POLI: variants seen among roughly 807,000 people sequenced by gnomAD.
POLI encodes RAD30 homolog B.
In POLI, 58 loss-of-function variants were observed where a neutral mutation model predicts 51.6. The observed-to-expected ratio is 1.12, with a 90% CI of 0.91 to 1.40. The LOEUF (loss-of-function observed/expected upper bound fraction) is 1.40. Among genes scored for constraint, POLI ranks in the 40% most tolerant of loss-of-function variants. The probability of loss-of-function intolerance (pLI) is 0.00; values close to 1 mark genes in which losing one functional copy is unlikely to be tolerated. For missense variants in POLI, 921 were observed against 871.3 expected, an observed-to-expected ratio of 1.06 and a Z score of -0.72; for synonymous variants, 322 against 299.7, an observed-to-expected ratio of 1.07 and a Z score of -0.77.
chr18:54,281,335 TAAAGATTAGG>T (rs2144514273), intron 5 of POLI, among the ~76,000 whole-genome samples: 1 of 152,342 alleles, frequency 6.6e-6, no homozygotes, highest in East Asian at 1.9e-4. Context: ...GTCCTCATTT[TAAAGATTAGG>T]AAACTGATTT....
chr18:54,283,067 A>G, intron 6 of POLI, 52 bp downstream of exon 6: 1 of 1,210,748 alleles, frequency 8.3e-7, no homozygotes, highest in Non-Finnish European at 1.2e-6. Context: ...ATTATTTGAG[A>G]TAAAGATTTC....
intron 5 of POLI, 91 bp from the exon 6 acceptor site, chr18:54,282,746 A>G: frequency 1.4e-6 from 1 of 722,798 alleles, no homozygotes; most frequent in Non-Finnish European, 2.2e-6. Context: ...ATAGAACTTA[A>G]AGATAAGATT....
At chr18:54,299,081 A>G (rs914269909), downstream of POLI, among the ~76,000 whole-genome samples, 1 of 152,208 alleles carries the variant, frequency 6.6e-6, no homozygotes, top group Non-Finnish European at 1.5e-5. Flanking sequence ...TACCTCAGAC[A>G]TACTCAGAGC....
Position 54,293,784 on chromosome 18 carries a change from G to T in POLI, c.1540G>T (p.Asp514Tyr). The change falls in exon 10 of 10, where the codon GAC (aspartate) becomes TAC (tyrosine). Residue 514 changes from aspartate (D) to tyrosine (Y), a missense_variant. Coordinates refer to ENST00000579534, the MANE Select transcript of POLI (RefSeq NM_007195.3). ...LDTTNFSKEK[D>Y]INEFPLCSLP... ...TACCACAAATTTTTCTAAAGAAAAA[G>T]ACATTAATGAATTCCCACTCTGTTC... The T allele has an allele frequency of 6.2e-7, 1 of 1,605,794 alleles. No individual in the cohort carries two copies. Among genetic ancestry groups the T allele is most frequent in the East Asian group, 2.2e-5 (1 of 44,628 alleles).
At chr18:54,311,197 C>A in intron 3 of POLI, 1 of 665,740 alleles carries the variant, frequency 1.5e-6, no homozygotes, top group Non-Finnish European at 1.9e-6. Flanking sequence ...TGATAAGGAA[C>A]CAGGAATTGA....
rs917573501 is a variant in POLI, at chr18:54,296,814, G to A, written c.*2347G>A. The A allele has an allele frequency of 5.6e-5, 31 of 556,774 alleles. No homozygotes were observed. The highest frequency in any genetic ancestry group is 3.6e-4 in the African/African-American group (17 of 47,522). 34.5% of individuals were successfully genotyped at this position (556,774 alleles called of 1,614,324 possible). ...TTCATTTGATTCTTTTTAACTTCCC[G>A]TTTACTCATTACAGTCCCTTGTAAG... is the stretch of plus-strand genomic sequence containing the variant. On this transcript the variant is annotated 3_prime_UTR_variant, in exon 10 of 10. Transcript: ENST00000579534.
At chr18:54,291,714 G>T in intron 8 of POLI, 119 bp from the exon 9 acceptor site, 1 of 552,602 alleles carries the variant, frequency 1.8e-6, no homozygotes, top group Non-Finnish European at 3.2e-6. Flanking sequence ...TCTTAATTTG[G>T]TATATAATGT....
intron 3 of POLI, among the ~76,000 whole-genome samples, chr18:54,317,138 A>G (rs2088743476): frequency 6.6e-6 from 1 of 152,178 alleles, no homozygotes; most frequent in Non-Finnish European, 1.5e-5. Flanking sequence ...AAGTGCTTAC[A>G]ATATTTCCAC....
In POLI at chr18:54,294,271, G is replaced by A. The variant is rs746188285; in HGVS notation, c.2027G>A (p.Ser676Asn). The A allele has an allele frequency of 3.7e-6, 6 of 1,613,616 alleles. No individual in the cohort carries two copies. Among genetic ancestry groups the A allele is most frequent in the South Asian group, 1.1e-5 (1 of 91,066 alleles). Reference protein sequence around the residue: ...QLFSRNHTTDSHKQTVATDSH... With the variant: ...QLFSRNHTTDNHKQTVATDSH... ...TTCTCCAGAAACCACACTACAGATA[G>A]CCATAAGCAAACAGTAGCAACAGAC... is the stretch of plus-strand genomic sequence containing the variant. The change falls in exon 10 of 10, where the codon AGC becomes AAC. Residue 676 changes from serine (S) to asparagine (N), a missense_variant. By Grantham distance (46) the Ser-to-Asn change is conservative. Coordinates refer to ENST00000579534, the MANE Select transcript of POLI (RefSeq NM_007195.3).
intron 5 of POLI, 134 bp downstream of exon 5, chr18:54,281,037 TACTTG>T: frequency 2.0e-6 from 1 of 497,104 alleles, no homozygotes; most frequent in Non-Finnish European, 3.5e-6. Context: ...TGTGTGTGTA[TACTTG>T]GTTCCTGGAA....
chr18:54,297,329 G>GTATTTT lies in POLI; in HGVS notation c.*2876_*2881dup. ...CCTGTTTCTGTCTTGAATGTAGAGG[G>GTATTTT]TATTTTTATTTTTATTTTTTCTGTT... On this transcript the variant is annotated 3_prime_UTR_variant, in exon 10 of 10. Coordinates refer to ENST00000579534, the MANE Select transcript of POLI (RefSeq NM_007195.3). 1 of 979,700 alleles carries GTATTTT rather than the reference G, an allele frequency of 1.0e-6. No individual in the cohort carries two copies. The highest frequency in any genetic ancestry group is 1.2e-6 in the Non-Finnish European group (1 of 825,100). 60.7% of individuals were successfully genotyped at this position (979,700 alleles called of 1,614,324 possible).
chr18:54,297,145 G>A lies in POLI; in HGVS notation c.*2678G>A, dbSNP rs1378366448. 5 of 985,284 alleles carry A rather than the reference G, an allele frequency of 5.1e-6. No homozygotes were observed. The highest frequency in any genetic ancestry group is 1.7e-5 in the African/African-American group (1 of 57,214). The allele number at this position is 985,284 out of a possible 1,614,324, so 61.0% of individuals were successfully genotyped here. Reference sequence around the variant, plus strand: ...CCCTGACCCTTACTACTAGCCGAAGGTTTTGTCTCTGCAGGTCAATTCCAA... The same window carrying A: ...CCCTGACCCTTACTACTAGCCGAAGATTTTGTCTCTGCAGGTCAATTCCAA... On this transcript the variant is annotated 3_prime_UTR_variant, in exon 10 of 10. Coordinates refer to ENST00000579534, the MANE Select transcript of POLI (RefSeq NM_007195.3).
chr18:54,294,075 A>G lies in POLI; in HGVS notation c.1831A>G (p.Ser611Gly), dbSNP rs1476482723. 1 of 1,610,450 alleles carries G rather than the reference A, an allele frequency of 6.2e-7. No homozygotes were observed. Among genetic ancestry groups the G allele is most frequent in the Admixed American group, 1.7e-5 (1 of 59,936 alleles). ...EPGTSGFNSSSSSYMSSQKDY... is the reference protein window; with the variant it reads ...EPGTSGFNSSGSSYMSSQKDY... ...GGGAACATCAGGCTTTAATAGCAGT[A>G]GTTCTTCTTACATGTCTAGCCAAAA... is the stretch of plus-strand genomic sequence containing the variant. Residue 611 changes from serine (S) to glycine (G), a missense_variant, in exon 10 of 10, where the codon AGT becomes GGT. By Grantham distance (56) the Ser-to-Gly change is moderately conservative (BLOSUM62 0). Coordinates refer to ENST00000579534, the MANE Select transcript of POLI (RefSeq NM_007195.3).
intron 3 of POLI, among the ~76,000 whole-genome samples, chr18:54,318,017 A>G (rs2088755998): frequency 6.6e-6 from 1 of 152,194 alleles, no homozygotes; most frequent in Non-Finnish European, 1.5e-5. Context: ...TAGTAATATA[A>G]TTATGCATAC....
At chr18:54,300,999 G>A (rs1427988239), downstream of POLI, among the ~76,000 whole-genome samples, 3 of 152,190 alleles carry the variant, frequency 2.0e-5, no homozygotes, top group African/African-American at 4.8e-5. Flanking sequence ...GAGATTTGAG[G>A]CTGGGTGTGG....
At chr18:54,303,162 C>A (rs187421831), downstream of POLI, among the ~76,000 whole-genome samples, 1 of 152,296 alleles carries the variant, frequency 6.6e-6, no homozygotes, top group East Asian at 1.9e-4. Flanking sequence ...TGGTAGGACA[C>A]CTACATAGTA....
At position 54,280,689 on chromosome 18, in the gene POLI, G is replaced by A; in HGVS notation, c.582G>A (p.Leu194=). 1 of 1,612,510 alleles carries A rather than the reference G, an allele frequency of 6.2e-7. No homozygotes were observed. The highest frequency in any genetic ancestry group is 8.5e-7 in the Non-Finnish European group (1 of 1,178,576). Residue 194 remains leucine, a synonymous_variant, in exon 5 of 10, where the codon TTG becomes TTA. Transcript: ENST00000579534. ...AAGCTATAAACCTGCTTGACGTCTTGCACATCAGACTACTTGTTGGATCTC... is the reference window on the plus strand; with the variant it reads ...AAGCTATAAACCTGCTTGACGTCTTACACATCAGACTACTTGTTGGATCTC... ...NNQSINLLDV[L]HIRLLVGSQI... is the part of the protein sequence containing the mutation.
chr18:54,269,982 G>T, intron 1 of POLI: 1 of 1,102,732 alleles, frequency 9.1e-7, no homozygotes, highest in East Asian at 5.3e-5. Flanking sequence ...GAGGCTTCTG[G>T]GCCTTTTAAC....
chr18:54,299,263 T>C (rs879612145), downstream of POLI, among the ~76,000 whole-genome samples: 4 of 152,098 alleles, frequency 2.6e-5, no homozygotes, highest in African/African-American at 4.8e-5. Flanking sequence ...GGTGAAACCC[T>C]GTCTCTACCA....
Sources: allele counts gnomAD v4.1 joint callset (sites outside exome capture counted in the v4.1 genomes callset), GRCh38; gene constraint gnomAD v4.1.1; transcripts MANE v1.5; gene names NCBI Gene and HGNC (gene_info 2026-07-23, HGNC 2026-07-21).